The following ZCCHC17 variants were observed in gnomAD, a reference collection of about 807,000 sequenced individuals.
ZCCHC17 encodes the protein zinc finger CCHC-type containing 17, also known as zinc finger CCHC domain-containing protein 17.
In ZCCHC17, 18 loss-of-function variants were observed where a neutral mutation model predicts 30.6. The ratio of observed to expected loss-of-function variants is 0.59; its 90% confidence interval spans 0.41 to 0.87. ZCCHC17 has a LOEUF of 0.87. Among genes scored for constraint, ZCCHC17 ranks in the 40% least tolerant of loss-of-function variants. The pLI is 0.00. For synonymous variants in ZCCHC17, 88 were observed against 92.4 expected, an observed-to-expected ratio of 0.95 and a Z score of 0.27; for missense variants, 263 against 284.2, an observed-to-expected ratio of 0.93 and a Z score of 0.54.
chr1:31,329,641 C>T (rs1228556612), intron 3 of ZCCHC17, among the ~76,000 whole-genome samples: 1 of 152,126 alleles, frequency 6.6e-6, no homozygotes, highest in East Asian at 1.9e-4. Flanking sequence ...TGTTGTTGCA[C>T]TTAGTCCATG....
rs1213514947 is a variant in ZCCHC17, at chr1:31,364,272, A to G, written c.*79A>G. On this transcript the variant is annotated 3_prime_UTR_variant, in exon 8 of 8. Transcript: ENST00000344147. The stretch of plus-strand genomic sequence containing the variant: ...CTTGAGACTCCTGGAAAGACTCAAT[A>G]GTGAGAATATAGCCTCCCACCCCAT... The G allele has an allele frequency of 1.3e-6, 2 of 1,510,666 alleles. No individual in the cohort carries two copies. Among genetic ancestry groups the G allele is most frequent in the African/African-American group, 2.8e-5 (2 of 70,830 alleles). 93.6% of individuals were successfully genotyped at this position (1,510,666 alleles called of 1,614,324 possible). A position where few individuals can be genotyped will look rare whatever the true frequency, so the allele number is the denominator to read the frequency against.
chr1:31,326,198 A>G (rs1353270973), intron 3 of ZCCHC17, among the ~76,000 whole-genome samples: 1 of 152,082 alleles, frequency 6.6e-6, no homozygotes, highest in Non-Finnish European at 1.5e-5. Flanking sequence ...CAGATTAACA[A>G]TGGTCACTTC....
chr1:31,339,271 G>T (rs1569869063), intron 5 of ZCCHC17, among the ~76,000 whole-genome samples: 1 of 152,210 alleles, frequency 6.6e-6, no homozygotes, highest in African/African-American at 2.4e-5. Context: ...CGAGGTGGGC[G>T]GATCACCTAA....
chr1:31,330,627 T>C (rs1050701218), intron 3 of ZCCHC17, among the ~76,000 whole-genome samples: 3 of 152,192 alleles, frequency 2.0e-5, no homozygotes, highest in Non-Finnish European at 4.4e-5. Context: ...ATAATAAAAA[T>C]GGGGAAAATA....
intron 3 of ZCCHC17, among the ~76,000 whole-genome samples, chr1:31,335,293 A>C (rs566358636): frequency 1.4e-4 from 22 of 152,382 alleles, no homozygotes; most frequent in Admixed American, 1.4e-3. Context: ...TGTAATAAGC[A>C]AGGTGGTTCT....
chr1:31,322,725 CTTT>C (rs35728249), intron 3 of ZCCHC17, among the ~76,000 whole-genome samples: 5 of 142,982 alleles, frequency 3.5e-5, no homozygotes, highest in Admixed American at 6.9e-5. Context: ...GCTGAAATTT[CTTT>C]TTTTTTTTTT....
At chr1:31,343,724 T>TC (rs1639133640) in intron 5 of ZCCHC17, among the ~76,000 whole-genome samples, 2 of 147,578 alleles carry the variant, frequency 1.4e-5, no homozygotes, top group Non-Finnish European at 3.0e-5. Context: ...GGTCTTTGTC[T>TC]CCCAGGCTGG....
chr1:31,316,194 T>C (rs1035412907), intron 2 of ZCCHC17, among the ~76,000 whole-genome samples: 1 of 152,180 alleles, frequency 6.6e-6, no homozygotes, highest in African/African-American at 2.4e-5. Flanking sequence ...CATGACCTCC[T>C]GTGTTCAAAC....
At chr1:31,311,272 T>C (rs1646594628) in intron 2 of ZCCHC17, among the ~76,000 whole-genome samples, 1 of 152,098 alleles carries the variant, frequency 6.6e-6, no homozygotes, top group African/African-American at 2.4e-5. Flanking sequence ...TTCTCACGGC[T>C]CTTCAGAAGC....
intron 7 of ZCCHC17, among the ~76,000 whole-genome samples, chr1:31,349,315 CAA>C (rs1340063481): frequency 6.6e-5 from 10 of 152,064 alleles, no homozygotes. Context: ...CCTTTCTACC[CAA>C]AGAGACTCTT....
intron 1 of ZCCHC17, among the ~76,000 whole-genome samples, chr1:31,300,033 C>T (rs527356518): frequency 6.6e-6 from 1 of 152,118 alleles, no homozygotes; most frequent in African/African-American, 2.4e-5. Context: ...CTCTACTTCC[C>T]CCAGACCCTC....
intron 7 of ZCCHC17, among the ~76,000 whole-genome samples, chr1:31,356,044 A>G (rs920068255): frequency 1.3e-5 from 2 of 152,248 alleles, no homozygotes; most frequent in Non-Finnish European, 2.9e-5. Flanking sequence ...TGAGTTGGAC[A>G]GTGGAGAGTA....
At chr1:31,329,353 CT>C (rs375758207) in intron 3 of ZCCHC17, among the ~76,000 whole-genome samples, 3,908 of 150,398 alleles carry the variant, frequency 0.026, 59 homozygotes, top group Middle Eastern at 0.041. Context: ...TTATAAAGTT[CT>C]TTTTTTTTTC....
intron 5 of ZCCHC17, among the ~76,000 whole-genome samples, chr1:31,340,268 C>T (rs972908254): frequency 2.7e-5 from 4 of 146,906 alleles, no homozygotes; most frequent in Non-Finnish European, 3.0e-5. Context: ...AATTTCTCAT[C>T]GGAGGTTCTT....
At chr1:31,309,680 G>A (rs563126953) in intron 1 of ZCCHC17, among the ~76,000 whole-genome samples, 5 of 152,246 alleles carry the variant, frequency 3.3e-5, no homozygotes, top group South Asian at 2.1e-4. Context: ...AGTAAGTGCT[G>A]CATTAATGTT....
chr1:31,327,363 C>T (rs898369789), intron 3 of ZCCHC17, among the ~76,000 whole-genome samples: 1 of 152,220 alleles, frequency 6.6e-6, no homozygotes, highest in African/African-American at 2.4e-5. Context: ...TGACCACCTA[C>T]TTAGGTTTGA....
intron 5 of ZCCHC17, among the ~76,000 whole-genome samples, chr1:31,345,887 C>T (rs1268732419): frequency 6.6e-6 from 1 of 151,944 alleles, no homozygotes; most frequent in Non-Finnish European, 1.5e-5. Flanking sequence ...CCACAAGGTC[C>T]CTCCCCCAAC....
intron 7 of ZCCHC17, among the ~76,000 whole-genome samples, chr1:31,357,253 G>A (rs1639677092): frequency 6.6e-6 from 1 of 152,144 alleles, no homozygotes; most frequent in Admixed American, 6.6e-5. Context: ...TATAGAGAAA[G>A]GTTGCCAGTC....
intron 3 of ZCCHC17, among the ~76,000 whole-genome samples, chr1:31,335,382 T>A (rs1361246519): frequency 1.3e-5 from 2 of 152,224 alleles, no homozygotes; most frequent in Non-Finnish European, 2.9e-5. Context: ...AAATATTATT[T>A]GATTTATTTT....
Sources: gnomAD v4.1 joint callset for allele counts (sites outside exome capture counted in the v4.1 genomes callset) on GRCh38, gnomAD v4.1.1 for gene constraint, MANE v1.5 for transcripts, NCBI Gene and HGNC (gene_info 2026-07-23, HGNC 2026-07-21) for gene names.